Variants in MAN1A1 observed in about 807,000 individuals in gnomAD.
The protein encoded by MAN1A1 is mannosyl-oligosaccharide 1,2-alpha-mannosidase IA.
MAN1A1 carries 29 observed loss-of-function variants against 70.8 expected under a neutral mutation model. The observed-to-expected ratio is 0.41, with a 90% confidence interval of 0.31 to 0.56. The LOEUF (loss-of-function observed/expected upper bound fraction) is 0.56. Ranked by LOEUF, MAN1A1 falls within the 20% of genes least tolerant of loss-of-function variation. The pLI is 0.29. For synonymous variants in MAN1A1, 349 were observed against 330.1 expected (o/e 1.06, Z -0.62); for missense variants, 747 against 841.3 (o/e 0.89, Z 1.39).
At chr6:119,226,769 C>A (rs1438468205) in intron 6 of MAN1A1, among the ~76,000 whole-genome samples, 1 of 152,164 alleles carries the variant, frequency 6.6e-6, no homozygotes, top group East Asian at 1.9e-4. Context: ...CTCCTGGGTT[C>A]AAGCGATTCT....
chr6:119,263,759 C>A, intron 5 of MAN1A1, among the ~76,000 whole-genome samples: 1 of 151,990 alleles, frequency 6.6e-6, no homozygotes, highest in East Asian at 1.9e-4. Flanking sequence ...AAAAAAGAAT[C>A]TTTATTATAT....
intron 5 of MAN1A1, among the ~76,000 whole-genome samples, chr6:119,268,420 T>C (rs1337266289): frequency 6.6e-6 from 1 of 151,926 alleles, no homozygotes; most frequent in African/African-American, 2.4e-5. Flanking sequence ...AGCAAGCTCA[T>C]ACTGTCCCCA....
In MAN1A1 at chr6:119,319,390, A is replaced by AATCATC. The variant is rs759313732; in HGVS notation, c.604-12404_604-12399dup. Among the ~76,000 whole-genome samples, 109 of 143,716 alleles carry AATCATC rather than the reference A, an allele frequency of 7.6e-4. 1 individual carries two copies. The highest frequency in any genetic ancestry group is 2.6e-3 in the African/African-American group (101 of 39,244). The allele number at this position is 143,716 out of a possible 152,430, so 94.3% of individuals were successfully genotyped here. A position where few individuals can be genotyped will look rare whatever the true frequency, so the allele number is the denominator to read the frequency against. ...TAATAATAATAATAATAATAATAATAATCATCATCATCATCATTCATTCTA... is the reference window on the plus strand; with the variant it reads ...TAATAATAATAATAATAATAATAATAATCATCATCATCATCATCATCATTCATTCTA... On this transcript the variant is annotated intron_variant, in intron 2 of 12. Coordinates refer to ENST00000368468, the MANE Select transcript of MAN1A1 (RefSeq NM_005907.4).
chr6:119,265,245 C>T (rs1775720963), intron 5 of MAN1A1, among the ~76,000 whole-genome samples: 2 of 152,010 alleles, frequency 1.3e-5, no homozygotes, highest in South Asian at 4.1e-4. Flanking sequence ...GGACTACAGG[C>T]ATGCACCAAT....
chr6:119,285,153 T>A (rs914513087), intron 5 of MAN1A1, among the ~76,000 whole-genome samples: 13 of 151,008 alleles, frequency 8.6e-5, no homozygotes, highest in Admixed American at 7.3e-4. Context: ...TTTTTTTTTT[T>A]AAAGTAGAGA....
intron 5 of MAN1A1, among the ~76,000 whole-genome samples, chr6:119,251,686 C>T (rs1327167783): frequency 6.6e-6 from 1 of 152,106 alleles, no homozygotes; most frequent in Non-Finnish European, 1.5e-5. Context: ...ATTTTTCTTC[C>T]TAGAAGTAGA....
chr6:119,182,923 T>G (rs1387009320), intron 11 of MAN1A1, among the ~76,000 whole-genome samples: 1 of 152,116 alleles, frequency 6.6e-6, no homozygotes, highest in Non-Finnish European at 1.5e-5. Flanking sequence ...ACCAAGAAGA[T>G]GGAAAGCATA....
At chr6:119,311,207 A>G (rs889458656) in intron 2 of MAN1A1, among the ~76,000 whole-genome samples, 1 of 152,242 alleles carries the variant, frequency 6.6e-6, no homozygotes, top group Non-Finnish European at 1.5e-5. Flanking sequence ...TTTAGGCATT[A>G]TAATTACTTT....
At chr6:119,266,853 T>C (rs1343809588) in intron 5 of MAN1A1, among the ~76,000 whole-genome samples, 2 of 152,182 alleles carry the variant, frequency 1.3e-5, no homozygotes, top group Non-Finnish European at 1.5e-5. Flanking sequence ...TAAAGAACTG[T>C]TAATGAAAAT....
intron 6 of MAN1A1, among the ~76,000 whole-genome samples, chr6:119,228,576 A>C (rs1220344566): frequency 6.6e-6 from 1 of 152,132 alleles, no homozygotes; most frequent in African/African-American, 2.4e-5. Flanking sequence ...TTTTATCACA[A>C]AATAGCTCAG....
chr6:119,256,474 G>A (rs1426391807), intron 5 of MAN1A1, among the ~76,000 whole-genome samples: 1 of 151,688 alleles, frequency 6.6e-6, no homozygotes, highest in Non-Finnish European at 1.5e-5. Context: ...AATAGAGAGG[G>A]TTTTATAAAG....
chr6:119,212,560 T>C (rs935121782), intron 6 of MAN1A1, among the ~76,000 whole-genome samples: 1 of 152,190 alleles, frequency 6.6e-6, no homozygotes, highest in African/African-American at 2.4e-5. Context: ...CAGGTTATTT[T>C]TGATGACCAA....
intron 4 of MAN1A1, among the ~76,000 whole-genome samples, chr6:119,295,100 T>C (rs1239492445): frequency 6.6e-6 from 1 of 152,128 alleles, no homozygotes; most frequent in Non-Finnish European, 1.5e-5. Context: ...TCCATCTCTC[T>C]GCAAAGAAAG....
At chr6:119,333,490 T>C (rs1349834296) in intron 2 of MAN1A1, among the ~76,000 whole-genome samples, 1 of 152,194 alleles carries the variant, frequency 6.6e-6, no homozygotes, top group Non-Finnish European at 1.5e-5. Flanking sequence ...CTTTGCACCA[T>C]TAGTACCGCC....
rs370669950 is a variant in MAN1A1, at chr6:119,310,459, T to C, written c.604-3467A>G. ...CATAAAATTTCCGTAGTTTGTAGGA[T>C]GTGATGCTGGCCCAGCTGAATGAAC... On this transcript the variant is annotated intron_variant, in intron 2 of 12. Transcript: ENST00000368468. Among the ~76,000 whole-genome samples the C allele has an allele frequency of 7.4e-4, 113 of 152,294 alleles. 2 individuals carry two copies. In the South Asian group the frequency reaches 0.022, roughly 29 times the overall value.
At chr6:119,294,031 C>T (rs1377731619) in intron 4 of MAN1A1, among the ~76,000 whole-genome samples, 5 of 152,056 alleles carry the variant, frequency 3.3e-5, no homozygotes, top group Non-Finnish European at 2.9e-5. Flanking sequence ...TGCAGCTCAG[C>T]CTAAACGAAC....
chr6:119,313,615 C>T (rs6914447), intron 2 of MAN1A1, among the ~76,000 whole-genome samples: 57,692 of 151,286 alleles, frequency 0.38, 11,468 homozygotes, highest in African/African-American at 0.41. Flanking sequence ...TAAAGCAGTA[C>T]TGCCAGATTT....
intron 6 of MAN1A1, among the ~76,000 whole-genome samples, chr6:119,206,070 A>T (rs1276468715): frequency 6.6e-6 from 1 of 152,172 alleles, no homozygotes; most frequent in South Asian, 2.1e-4. Context: ...TCCTGAGTTG[A>T]TTCTTGAAGG....
At chr6:119,306,849 T>C (rs761424675) in intron 3 of MAN1A1, 47 bp downstream of exon 3, 11 of 1,325,648 alleles carry the variant, frequency 8.3e-6, no homozygotes, top group Middle Eastern at 1.8e-4. Context: ...GCTCAAGCAA[T>C]TGGGGAGAAG....
Sources: gnomAD v4.1 joint callset for allele counts (sites outside exome capture counted in the v4.1 genomes callset) on GRCh38, gnomAD v4.1.1 for gene constraint, MANE v1.5 for transcripts, NCBI Gene and HGNC (gene_info 2026-07-23, HGNC 2026-07-21) for gene names.